MON2: variants seen among roughly 807,000 people sequenced by gnomAD.
MON2 encodes MON2 regulator of endosome-to-Golgi trafficking.
Under a neutral mutation model 208.6 loss-of-function variants are expected in MON2, and 84 were observed. That is an observed-to-expected ratio of 0.40 (90% CI 0.34 to 0.48). The LOEUF is 0.48. MON2 is among the 20% of genes least tolerant of loss of function. The pLI is 0.59. For missense variants in MON2, 1,611 were observed against 2,015.4 expected (o/e 0.80, Z 3.84); for synonymous variants, 660 against 694.0 (o/e 0.95, Z 0.77).
intron 1 of MON2, among the ~76,000 whole-genome samples, chr12:62,481,198 A>G (rs180956058): frequency 9.9e-4 from 151 of 152,234 alleles, no homozygotes; most frequent in African/African-American, 3.6e-3. Context: ...CTTAAATTTT[A>G]CCGTATATTG....
chr12:62,538,827 A>G (rs1458479536), intron 19 of MON2, among the ~76,000 whole-genome samples: 1 of 148,654 alleles, frequency 6.7e-6, no homozygotes, highest in Non-Finnish European at 1.5e-5. Context: ...TTGTAATTAC[A>G]ATTTATGATT....
chr12:62,571,195 A>G (rs73124308), intron 29 of MON2, among the ~76,000 whole-genome samples, 197 bp from the exon 30 acceptor site: 1 of 152,174 alleles, frequency 6.6e-6, no homozygotes, highest in Non-Finnish European at 1.5e-5. Flanking sequence ...ATTTAAAAGT[A>G]TATCTTTCCA....
rs367789544 is a variant in MON2 at position 62,582,015 on chromosome 12, CCAAA to C, written c.4699+1598_4699+1601del. On this transcript the variant is annotated intron_variant, in intron 32 of 34. Coordinates refer to ENST00000393630, the MANE Select transcript of MON2 (RefSeq NM_015026.3). Reference sequence around the variant, plus strand: ...TCACATACTAGTTCTTTTTTCTAGCCCAAACAGTTTTTAAAACTGGCCTGGTAAA... The same window carrying C: ...TCACATACTAGTTCTTTTTTCTAGCCCAGTTTTTAAAACTGGCCTGGTAAA... 4.6e-3 allele frequency among the ~76,000 whole-genome samples: 706 copies of C among 152,102 alleles called. 4 individuals are homozygous for C. The highest frequency in any genetic ancestry group is 6.9e-3 in the Non-Finnish European group (469 of 67,994).
intron 30 of MON2, among the ~76,000 whole-genome samples, chr12:62,573,861 A>G (rs925941709): frequency 1.3e-5 from 2 of 152,182 alleles, no homozygotes; most frequent in Admixed American, 6.5e-5. Flanking sequence ...ATTTTGTATC[A>G]ATGCAGTTGT....
chr12:62,519,843 T>C (rs187470433), intron 8 of MON2, among the ~76,000 whole-genome samples: 1 of 152,326 alleles, frequency 6.6e-6, no homozygotes, highest in African/African-American at 2.4e-5. Flanking sequence ...TGAGACGGAG[T>C]CTCGCTCTGT....
Position 62,556,003 on chromosome 12 carries a change from C to G in MON2, c.3220C>G (p.His1074Asp), listed in dbSNP as rs1290716051. The G allele has an allele frequency of 6.2e-7, 1 of 1,607,292 alleles. No homozygotes were observed. Among genetic ancestry groups the G allele is most frequent in the African/African-American group, 1.3e-5 (1 of 74,624 alleles). ...TTTAATAAATATTTAGGTACTCTTT[C>G]ATCTACTGGACAGAGTTCGAGAGTC... ...WHTVIWKVLFHLLDRVRESST... is the reference protein window; with the variant it reads ...WHTVIWKVLFDLLDRVRESST... The change falls in exon 25 of 35, where the codon CAT becomes GAT. Residue 1074 changes from histidine to aspartate, a missense_variant. Physicochemically the swap from His to Asp is moderately conservative, Grantham distance 81. Coordinates refer to ENST00000393630, the MANE Select transcript of MON2 (RefSeq NM_015026.3).
chr12:62,591,899 T>C (rs546154076), intron 34 of MON2, among the ~76,000 whole-genome samples: 1 of 152,342 alleles, frequency 6.6e-6, no homozygotes, highest in Non-Finnish European at 1.5e-5. Flanking sequence ...AAATCTTGCA[T>C]ATTGGGTGCC....
intron 1 of MON2, among the ~76,000 whole-genome samples, chr12:62,470,246 T>C (rs2068729466): frequency 6.6e-6 from 1 of 152,176 alleles, no homozygotes; most frequent in Non-Finnish European, 1.5e-5. Context: ...GATTTAAAGA[T>C]TTCAAATCTG....
intron 1 of MON2, among the ~76,000 whole-genome samples, chr12:62,477,349 A>G (rs913137757): frequency 4.6e-5 from 7 of 151,968 alleles, no homozygotes; most frequent in Admixed American, 1.3e-4. Context: ...TTGGTAGGCT[A>G]TGTTCTTCTC....
At chr12:62,514,746 G>C (rs1024082473) in intron 8 of MON2, among the ~76,000 whole-genome samples, 5 of 151,596 alleles carry the variant, frequency 3.3e-5, no homozygotes, top group African/African-American at 1.2e-4. Flanking sequence ...ACCTGAAAAG[G>C]GTTAATATTC....
At chr12:62,489,063 A>G (rs1253079897) in intron 2 of MON2, among the ~76,000 whole-genome samples, 1 of 152,154 alleles carries the variant, frequency 6.6e-6, no homozygotes, top group Non-Finnish European at 1.5e-5. Context: ...AGTGGATTGT[A>G]GTTTAACAAT....
At chr12:62,486,308 A>T (rs536621836) in intron 2 of MON2, among the ~76,000 whole-genome samples, 1 of 151,968 alleles carries the variant, frequency 6.6e-6, no homozygotes, top group East Asian at 1.9e-4. Flanking sequence ...ATTCTATCCC[A>T]AGTAAAATGT....
intron 34 of MON2, among the ~76,000 whole-genome samples, chr12:62,590,949 C>T (rs1243474423): frequency 6.6e-6 from 1 of 152,220 alleles, no homozygotes; most frequent in African/African-American, 2.4e-5. Flanking sequence ...GCCACCACGC[C>T]AGCCTAAAAC....
intron 32 of MON2, 97 bp from the exon 33 acceptor site, chr12:62,585,197 G>A (rs1418883033): frequency 2.2e-6 from 2 of 899,144 alleles, no homozygotes; most frequent in African/African-American, 3.4e-5. Context: ...TCACCAGATT[G>A]AGGAATTTCT....
chr12:62,568,796 G>A (rs771192802), intron 29 of MON2, among the ~76,000 whole-genome samples: 1 of 152,030 alleles, frequency 6.6e-6, no homozygotes, highest in Non-Finnish European at 1.5e-5. Flanking sequence ...GGGAATACAG[G>A]CACACACCAC....
At position 62,571,595 on chromosome 12, in the gene MON2, A is replaced by G; in HGVS notation, c.4514+13A>G. 3.2e-6 allele frequency: 5 copies of G among 1,586,244 alleles called. No homozygotes were observed. Among genetic ancestry groups the G allele is most frequent in the South Asian group, 1.2e-5 (1 of 86,570 alleles). On this transcript the variant is annotated intron_variant, in intron 30 of 34. Coordinates refer to ENST00000393630, the MANE Select transcript of MON2 (RefSeq NM_015026.3). ...TCTTTACTAAAAGGTCAGCTCATTC[A>G]TTTTTAAAATTAAGACAAGAAGTGG...
chr12:62,543,279 A>G lies in MON2; in HGVS notation c.2466+81A>G, dbSNP rs1444398031. The G allele has an allele frequency of 4.3e-6, 3 of 691,450 alleles. No individual in the cohort carries two copies. The African/African-American group carries it at 5.7e-5, about 13-fold the overall frequency. The allele number at this position is 691,450 out of a possible 1,614,324, so 42.8% of individuals were successfully genotyped here. On this transcript the variant is annotated intron_variant, in intron 20 of 34. Coordinates refer to ENST00000393630, the MANE Select transcript of MON2 (RefSeq NM_015026.3). ...CTAATGATTCTAAATAGCCATTTGA[A>G]AAATCAGCATTAACTTTTTTTCCCC...
At chr12:62,538,585 A>T in intron 19 of MON2, 80 bp downstream of exon 19, 1 of 918,586 alleles carries the variant, frequency 1.1e-6, no homozygotes, top group South Asian at 1.5e-5. Flanking sequence ...TTAGTGTTTT[A>T]CTAGTAGAAC....
intron 1 of MON2, among the ~76,000 whole-genome samples, chr12:62,469,923 T>TTTATTTATTTATTTATTTA (rs766894539): frequency 0.012 from 570 of 48,820 alleles, 3 homozygotes; most frequent in Non-Finnish European, 0.015. Flanking sequence ...TATTTATTTA[T>TTTATTTATTTATTTATTTA]TTGAGACAGG....
Sources: allele counts gnomAD v4.1 joint callset (sites outside exome capture counted in the v4.1 genomes callset), GRCh38; gene constraint gnomAD v4.1.1; transcripts MANE v1.5; gene names NCBI Gene and HGNC (gene_info 2026-07-23, HGNC 2026-07-21).